Variants in SUN5 observed in about 807,000 individuals in gnomAD.
The protein encoded by SUN5 is Sad1 and UNC84 domain containing 5.
Under a neutral mutation model 53.7 loss-of-function variants are expected in SUN5, and 44 were observed. That is an observed-to-expected ratio of 0.82 (90% CI 0.64 to 1.05). The LOEUF (loss-of-function observed/expected upper bound fraction) is 1.05, where lower values mean the gene tolerates loss of function less well. Among genes scored for constraint, SUN5 ranks in the 50% least tolerant of loss-of-function variants. The pLI is 0.00. For synonymous variants in SUN5, 166 were observed against 179.8 expected (o/e 0.92, Z 0.62); for missense variants, 433 against 483.8 (o/e 0.90, Z 0.98).
intron 10 of SUN5, 45 bp from the exon 11 acceptor site, chr20:32,985,948 G>A (rs1206412371): frequency 1.9e-6 from 3 of 1,583,810 alleles, no homozygotes; most frequent in South Asian, 2.3e-5. Flanking sequence ...GTGGGTAGGG[G>A]GATCATCCCA....
intron 6 of SUN5, 138 bp downstream of exon 6, chr20:32,997,500 G>C (rs1249384288): frequency 2.5e-6 from 2 of 803,480 alleles, no homozygotes; most frequent in Non-Finnish European, 4.0e-6. Flanking sequence ...TACGATGAAG[G>C]GTGAGATTTG....
In SUN5 at chr20:33,004,341, C is replaced by A. The variant is rs751814566; in HGVS notation, c.-1G>T. The A allele has an allele frequency of 6.4e-7, 1 of 1,558,198 alleles. No individual in the cohort carries two copies. Among genetic ancestry groups the A allele is most frequent in the East Asian group, 2.4e-5 (1 of 41,730 alleles). On this transcript the variant is annotated 5_prime_UTR_variant, in exon 1 of 13. Transcript: ENST00000356173. ...CAGGGCTCCTTGAGGACCGTGGCAT[C>A]GATTTCCTTCTTTAGGATTGGGGAT...
At chr20:32,999,679 T>G (rs1264256770) in intron 5 of SUN5, among the ~76,000 whole-genome samples, 1 of 152,168 alleles carries the variant, frequency 6.6e-6, no homozygotes, top group African/African-American at 2.4e-5. Context: ...TATTTTCCCA[T>G]GGGGAGCTGA....
intron 8 of SUN5, among the ~76,000 whole-genome samples, chr20:32,994,680 C>T (rs1189899246): frequency 6.6e-6 from 1 of 152,090 alleles, no homozygotes; most frequent in Non-Finnish European, 1.5e-5. Flanking sequence ...AGGTGGATCA[C>T]TTGAGGTCAG....
intron 8 of SUN5, among the ~76,000 whole-genome samples, chr20:32,993,427 G>C (rs1989757828): frequency 6.6e-6 from 1 of 152,184 alleles, no homozygotes; most frequent in Non-Finnish European, 1.5e-5. Flanking sequence ...CCAGACAATG[G>C]GCTGCTGCTA....
chr20:32,989,802 C>G, intron 8 of SUN5, 104 bp from the exon 9 acceptor site: 2 of 921,406 alleles, frequency 2.2e-6, no homozygotes, highest in Non-Finnish European at 3.5e-6. Flanking sequence ...GCTGTCCTCT[C>G]CCTAACAGCC....
At chr20:32,992,657 C>T (rs1568965903) in intron 8 of SUN5, among the ~76,000 whole-genome samples, 1 of 152,252 alleles carries the variant, frequency 6.6e-6, no homozygotes, top group East Asian at 1.9e-4. Flanking sequence ...AAAAGCCACG[C>T]TATAGCCTGG....
At chr20:32,987,823 G>T (rs890983081) in intron 9 of SUN5, 48 bp from the exon 10 acceptor site, 40 of 1,515,238 alleles carry the variant, frequency 2.6e-5, no homozygotes, top group Non-Finnish European at 3.6e-5. Context: ...CTTCTGCCTG[G>T]TGGAGGGGAC....
intron 5 of SUN5, among the ~76,000 whole-genome samples, chr20:32,999,367 G>C (rs1278198743): frequency 2.6e-5 from 4 of 152,174 alleles, no homozygotes; most frequent in Middle Eastern, 6.3e-3. Flanking sequence ...GGCCAAGGTG[G>C]GTGGATCATG....
intron 7 of SUN5, 71 bp downstream of exon 7, chr20:32,996,253 A>G (rs1328026109): frequency 1.3e-6 from 2 of 1,511,246 alleles, no homozygotes; most frequent in African/African-American, 1.4e-5. Flanking sequence ...TTTGTAGCCA[A>G]TACACCCCAG....
In SUN5 at chr20:33,004,342, G is replaced by T. The variant is rs781355323; in HGVS notation, c.-2C>A. 1 of 1,558,398 alleles carries T rather than the reference G, an allele frequency of 6.4e-7. No homozygotes were observed. The highest frequency in any genetic ancestry group is 8.7e-7 in the Non-Finnish European group (1 of 1,151,164). On this transcript the variant is annotated 5_prime_UTR_variant, in exon 1 of 13. Transcript: ENST00000356173. ...AGGGCTCCTTGAGGACCGTGGCATC[G>T]ATTTCCTTCTTTAGGATTGGGGATG...
intron 4 of SUN5, among the ~76,000 whole-genome samples, 153 bp from the exon 5 acceptor site, chr20:33,000,288 A>T (rs1989966312): frequency 6.6e-6 from 1 of 152,068 alleles, no homozygotes; most frequent in Non-Finnish European, 1.5e-5. Flanking sequence ...TTCAGCTCAA[A>T]TGTCCCCTCC....
At chr20:32,996,415 G>A (rs1989849517) in intron 6 of SUN5, 57 bp from the exon 7 acceptor site, 1 of 1,506,656 alleles carries the variant, frequency 6.6e-7, no homozygotes, top group Non-Finnish European at 9.2e-7. Flanking sequence ...TCTGGCCCCA[G>A]GAGAACTTCA....
intron 2 of SUN5, 44 bp from the exon 3 acceptor site, chr20:33,002,705 T>G (rs746473336): frequency 1.2e-6 from 2 of 1,611,528 alleles, no homozygotes; most frequent in Non-Finnish European, 1.7e-6. Flanking sequence ...AGCCTCTTGA[T>G]TTGGTGCTTG....
chr20:32,986,381 C>T (rs2146322952), intron 10 of SUN5, among the ~76,000 whole-genome samples: 1 of 152,272 alleles, frequency 6.6e-6, no homozygotes, highest in South Asian at 2.1e-4. Context: ...TGCCATTAAG[C>T]ACCACGATCT....
chr20:33,000,559 C>T (rs1441394978), intron 4 of SUN5, among the ~76,000 whole-genome samples: 1 of 152,174 alleles, frequency 6.6e-6, no homozygotes, highest in Non-Finnish European at 1.5e-5. Flanking sequence ...GCAGGAAGAA[C>T]AGCATGTGCT....
intron 12 of SUN5, among the ~76,000 whole-genome samples, chr20:32,984,359 CCA>C (rs1301760647): frequency 6.6e-6 from 1 of 152,190 alleles, no homozygotes; most frequent in Non-Finnish European, 1.5e-5. Flanking sequence ...GGCAGCTCAT[CCA>C]CAGACTCCCG....
chr20:32,986,069 CA>C (rs1989530993), intron 10 of SUN5, among the ~76,000 whole-genome samples, 166 bp from the exon 11 acceptor site: 1 of 152,112 alleles, frequency 6.6e-6, no homozygotes, highest in South Asian at 2.1e-4. Flanking sequence ...ACTACCCATG[CA>C]GGGGGTAAGC....
At chr20:32,989,205 G>A (rs1049786229) in intron 9 of SUN5, among the ~76,000 whole-genome samples, 13 of 152,234 alleles carry the variant, frequency 8.5e-5, no homozygotes, top group Non-Finnish European at 1.5e-4. Context: ...GATTACAGGC[G>A]TGAGCCACCA....
Sources: gnomAD v4.1 joint callset for allele counts (sites outside exome capture counted in the v4.1 genomes callset) on GRCh38, gnomAD v4.1.1 for gene constraint, MANE v1.5 for transcripts, NCBI Gene and HGNC (gene_info 2026-07-23, HGNC 2026-07-21) for gene names.